Variants in QRICH1 observed in about 807,000 individuals in gnomAD.
QRICH1 encodes the protein transcriptional regulator QRICH1.
In QRICH1, 16 loss-of-function variants were observed where a neutral mutation model predicts 87.1. The observed-to-expected ratio is 0.18, with a 90% CI of 0.12 to 0.28. The LOEUF is 0.28. QRICH1 is among the 10% of genes least tolerant of loss of function. The probability of loss-of-function intolerance (pLI) is 1.00; values close to 1 mark genes in which losing one functional copy is unlikely to be tolerated. For synonymous variants in QRICH1, 367 were observed against 368.4 expected (o/e 1.00, Z 0.05); for missense variants, 647 against 951.7 (o/e 0.68, Z 4.21).
Position 49,057,025 on chromosome 3 carries a change from T to C in QRICH1, c.1175A>G (p.Asn392Ser). ...CTGCACAGCCACTGGAATGTGGATG[T>C]TGCCATTCATGAACTGTGCTGGAAA... ...SLFPAQFMNG[N>S]IHIPVAVQAV... Residue 392 changes from asparagine (N) to serine (S), a missense_variant, in exon 3 of 10, where the codon AAC (asparagine) becomes AGC (serine). Asn to Ser is a conservative substitution (Grantham distance 46, BLOSUM62 1). Transcript: ENST00000395443. This position sits in a 1 kb window ranked among gnomAD's most constrained non-coding sequence, Gnocchi z 5.4. 2 of 1,614,186 alleles carry C rather than the reference T, an allele frequency of 1.2e-6. No individual in the cohort carries two copies. The highest frequency in any genetic ancestry group is 1.7e-6 in the Non-Finnish European group (2 of 1,180,028).
intron 3 of QRICH1, among the ~76,000 whole-genome samples, chr3:49,049,414 C>T (rs1328524905): frequency 1.3e-5 from 2 of 151,922 alleles, no homozygotes; most frequent in South Asian, 2.1e-4. Context: ...CACTGCACTC[C>T]AGCCTGGGTG....
intron 6 of QRICH1, among the ~76,000 whole-genome samples, chr3:49,034,390 C>T (rs1053919044): frequency 2.7e-5 from 4 of 150,590 alleles, no homozygotes; most frequent in Non-Finnish European, 4.4e-5. Flanking sequence ...TGCAGTGAGC[C>T]GTGATCGCAC....
chr3:49,065,918 C>T lies in QRICH1; in HGVS notation c.310-8028G>A, dbSNP rs190717711. On this transcript the variant is annotated intron_variant, in intron 2 of 9. Transcript: ENST00000395443. ...CAGGATGGTCTCGATCTCCTGAACT[C>T]ATGATCTGCCTGCCTTGGCCTCCCA... Among the ~76,000 whole-genome samples, 217 of 152,254 alleles carry T rather than the reference C, an allele frequency of 1.4e-3. 2 individuals are homozygous for T. Among genetic ancestry groups the T allele is most frequent in the African/African-American group, 5.0e-3 (206 of 41,552 alleles).
At chr3:49,079,536 TAATAA>T (rs993242711) in intron 1 of QRICH1, among the ~76,000 whole-genome samples, 1 of 148,898 alleles carries the variant, frequency 6.7e-6, no homozygotes, top group Non-Finnish European at 1.5e-5. Context: ...TAAAATACTA[TAATAA>T]AATAATAATA....
chr3:49,080,675 C>T (rs192392186), intron 1 of QRICH1, among the ~76,000 whole-genome samples: 2 of 152,100 alleles, frequency 1.3e-5, no homozygotes, highest in East Asian at 1.9e-4. Flanking sequence ...TTAAGCCTCA[C>T]CTCAACTCTG....
At chr3:49,052,493 T>G (rs1444478588) in intron 3 of QRICH1, among the ~76,000 whole-genome samples, 2 of 152,094 alleles carry the variant, frequency 1.3e-5, no homozygotes, top group Non-Finnish European at 2.9e-5. Context: ...GGGTTGAATC[T>G]CAATTCTGCC....
In QRICH1 at chr3:49,044,507, A is replaced by G. The variant is rs1469483226; in HGVS notation, c.1672-3T>C. On this transcript the variant is annotated splice_polypyrimidine_tract_variant and splice_region_variant and intron_variant, in intron 5 of 9. Coordinates refer to ENST00000395443, the MANE Select transcript of QRICH1 (RefSeq NM_198880.3). The stretch of plus-strand genomic sequence containing the variant: ...ACCCTTCCATTTTCAAAAAGATACT[A>G]AAAGAAAAACAATTAATAGAAGTTA... 6.3e-7 allele frequency: 1 copy of G among 1,583,612 alleles called. No homozygotes were observed. The highest frequency in any genetic ancestry group is 8.7e-7 in the Non-Finnish European group (1 of 1,154,432).
rs2093411327 is a variant in QRICH1, at chr3:49,057,729, C to T, written c.471G>A (p.Gln157=). The part of the protein sequence containing the change: ...AAPSIQTPSL[Q]SPSPSQLQAA... ...CTTGCAGCTGCGAGGGACTGGGACT[C>T]TGCAGAGACGGGGTCTGAATGGAGG... The change falls in exon 3 of 10, where the codon CAG becomes CAA. Residue 157 remains glutamine, a synonymous_variant. Transcript: ENST00000395443. The surrounding 1 kb of genome is among the most constrained non-coding windows in gnomAD (Gnocchi z 5.4). 2.5e-6 allele frequency: 4 copies of T among 1,614,200 alleles called. No individual in the cohort carries two copies. Among genetic ancestry groups the T allele is most frequent in the Middle Eastern group, 1.6e-4 (1 of 6,062 alleles).
chr3:49,059,606 G>A (rs533031901), intron 2 of QRICH1, among the ~76,000 whole-genome samples: 2 of 150,336 alleles, frequency 1.3e-5, no homozygotes, highest in South Asian at 4.3e-4. Flanking sequence ...TTTTAGTAGA[G>A]ACGAGGTTTC....
intron 2 of QRICH1, among the ~76,000 whole-genome samples, chr3:49,072,035 C>G (rs1559947883): frequency 6.6e-6 from 1 of 151,204 alleles, no homozygotes; most frequent in South Asian, 2.2e-4. Flanking sequence ...TTCTTCCTTA[C>G]AAAGACAAAA....
intron 3 of QRICH1, 123 bp from the exon 4 acceptor site, chr3:49,047,369 G>T: frequency 1.0e-6 from 1 of 955,408 alleles, no homozygotes; most frequent in Non-Finnish European, 1.5e-6. Context: ...ACTCATTGCT[G>T]TCCTACTTTT....
Position 49,030,273 on chromosome 3 carries a change from G to C in QRICH1, c.*179C>G. 1.6e-6 allele frequency: 1 copy of C among 615,078 alleles called. No individual in the cohort carries two copies. Among genetic ancestry groups the C allele is most frequent in the East Asian group, 3.0e-5 (1 of 33,642 alleles). 38.1% of individuals were successfully genotyped at this position (615,078 alleles called of 1,614,324 possible). The stretch of plus-strand genomic sequence containing the variant: ...ATCGGCTGAGGAGTCTGCCGCAGCA[G>C]GTTTATGAAGATGCAAAGGGGGCAA... On this transcript the variant is annotated 3_prime_UTR_variant, in exon 10 of 10. Transcript: ENST00000395443.
At chr3:49,033,347 C>CT (rs2093254120) in intron 6 of QRICH1, 119 bp from the exon 7 acceptor site, 1 of 540,924 alleles carries the variant, frequency 1.8e-6, no homozygotes, top group African/African-American at 2.0e-5. Flanking sequence ...AGGGGACTCT[C>CT]CCTAAAGTGT....
chr3:49,064,992 G>C (rs1375065072), intron 2 of QRICH1, among the ~76,000 whole-genome samples: 1 of 151,960 alleles, frequency 6.6e-6, no homozygotes, highest in African/African-American at 2.4e-5. Context: ...TGCCAGCCTG[G>C]GGGACAGAGC....
At chr3:49,044,320 A>G in intron 6 of QRICH1, 70 bp downstream of exon 6, 1 of 1,247,212 alleles carries the variant, frequency 8.0e-7, no homozygotes. Flanking sequence ...TTTCATAGCC[A>G]ACCACAGAAG....
At chr3:49,050,694 AAAC>A (rs138950270) in intron 3 of QRICH1, among the ~76,000 whole-genome samples, 122,220 of 150,480 alleles carry the variant, frequency 0.81, 49,951 homozygotes, top group East Asian at 1. Context: ...GGATCACAAA[AAAC>A]AACAACAACA....
chr3:49,074,771 G>A (rs1375420378), intron 2 of QRICH1, among the ~76,000 whole-genome samples: 1 of 151,696 alleles, frequency 6.6e-6, no homozygotes, highest in Non-Finnish European at 1.5e-5. Context: ...GAGGTCAGGA[G>A]ATCGAGACCA....
chr3:49,078,944 G>A (rs2042005193), intron 1 of QRICH1, among the ~76,000 whole-genome samples: 1 of 151,140 alleles, frequency 6.6e-6, no homozygotes, highest in South Asian at 2.1e-4. Context: ...CTCCCGCCTC[G>A]GCCTCCCAAA....
intron 2 of QRICH1, among the ~76,000 whole-genome samples, chr3:49,072,840 AAC>A (rs1342919621): frequency 6.6e-6 from 1 of 152,098 alleles, no homozygotes; most frequent in South Asian, 2.1e-4. Context: ...CCAGGAGTTC[AAC>A]ACCAGCCTGA....
Sources: allele counts gnomAD v4.1 joint callset (sites outside exome capture counted in the v4.1 genomes callset), GRCh38; gene constraint gnomAD v4.1.1; non-coding constraint Gnocchi (gnomAD v3.1); transcripts MANE v1.5; gene names NCBI Gene and HGNC (gene_info 2026-07-23, HGNC 2026-07-21).